USP32: variants seen among roughly 807,000 people sequenced by gnomAD.
USP32 encodes ubiquitin specific peptidase 32.
In USP32, 59 loss-of-function variants were observed where a neutral mutation model predicts 204.8. That is an observed-to-expected ratio of 0.29 (90% CI 0.23 to 0.36). The LOEUF is 0.36. Ranked by LOEUF, USP32 falls within the 10% of genes least tolerant of loss-of-function variation. The pLI is 1.00. For missense variants in USP32, 1,160 were observed against 1,946.4 expected (o/e 0.60, Z 7.60); for synonymous variants, 517 against 678.4 (o/e 0.76, Z 3.70).
intron 1 of USP32, among the ~76,000 whole-genome samples, chr17:60,349,622 TATTATATATATATATATATATTA>T (rs1473824116): frequency 4.5e-5 from 3 of 66,712 alleles, no homozygotes; most frequent in African/African-American, 3.5e-4. Context: ...TATATATATA[TATTATATATATATATATATATTA>T]TATATATACA....
chr17:60,286,068 G>A (rs1377723335), intron 5 of USP32, among the ~76,000 whole-genome samples: 1 of 151,498 alleles, frequency 6.6e-6, no homozygotes, highest in Non-Finnish European at 1.5e-5. Context: ...TCCAGGAGGC[G>A]GAGGCTGCAG....
intron 2 of USP32, among the ~76,000 whole-genome samples, chr17:60,343,981 C>T (rs1167832463): frequency 1.3e-5 from 2 of 151,644 alleles, no homozygotes; most frequent in Non-Finnish European, 2.9e-5. Context: ...TTGCCATGAG[C>T]CAAGACCATG....
intron 1 of USP32, among the ~76,000 whole-genome samples, chr17:60,400,424 T>G (rs908857114): frequency 6.6e-6 from 1 of 152,148 alleles, no homozygotes; most frequent in African/African-American, 2.4e-5. Context: ...TCCCAGATAT[T>G]ATTTTGAAAG....
chr17:60,188,801 T>C (rs2084308664), intron 29 of USP32, among the ~76,000 whole-genome samples: 1 of 152,218 alleles, frequency 6.6e-6, no homozygotes, highest in South Asian at 2.1e-4. Flanking sequence ...AACCACGGTA[T>C]CTCTTTTGTC....
intron 2 of USP32, among the ~76,000 whole-genome samples, chr17:60,302,691 A>T (rs565428705): frequency 1.8e-4 from 28 of 152,346 alleles, no homozygotes; most frequent in Non-Finnish European, 2.5e-4. Context: ...TGTGATAAGA[A>T]TTTTGTGCAA....
intron 9 of USP32, chr17:60,256,944 TA>T: frequency 2.8e-6 from 1 of 354,244 alleles, no homozygotes. Flanking sequence ...TTCATCATTC[TA>T]AGAAATATAT....
At chr17:60,311,084 G>T (rs949522180) in intron 2 of USP32, among the ~76,000 whole-genome samples, 12 of 152,144 alleles carry the variant, frequency 7.9e-5, no homozygotes, top group Admixed American at 6.5e-5. Context: ...TGTAGTGTTA[G>T]TAAGGTGATT....
At chr17:60,392,183 T>A, upstream of USP32, 1 of 475,312 alleles carries the variant, frequency 2.1e-6, no homozygotes. Context: ...CGCCCTTCTC[T>A]CTCCTCTCTC....
At chr17:60,201,795 A>C (rs2084683140) in intron 26 of USP32, among the ~76,000 whole-genome samples, 1 of 151,904 alleles carries the variant, frequency 6.6e-6, no homozygotes. Flanking sequence ...AGTAGCTGGG[A>C]CTACATGTGC....
chr17:60,222,331 G>A (rs2085273164), intron 15 of USP32, 78 bp downstream of exon 15: 1 of 1,512,504 alleles, frequency 6.6e-7, no homozygotes, highest in Non-Finnish European at 9.0e-7. Flanking sequence ...TGTGGTTAGT[G>A]AGAGTCACAT....
intron 6 of USP32, among the ~76,000 whole-genome samples, chr17:60,269,922 A>C (rs2086686097): frequency 6.6e-6 from 1 of 152,160 alleles, no homozygotes; most frequent in African/African-American, 2.4e-5. Flanking sequence ...AAGAAGAAAA[A>C]GGGAAAAAAG....
intron 1 of USP32, among the ~76,000 whole-genome samples, chr17:60,350,701 C>T (rs1159665614): frequency 1.4e-5 from 2 of 145,956 alleles, no homozygotes; most frequent in Non-Finnish European, 2.9e-5. Context: ...TCTCTCTCTC[C>T]CTCTATCCCT....
chr17:60,328,378 G>A (rs567718843), intron 2 of USP32, among the ~76,000 whole-genome samples: 1 of 152,286 alleles, frequency 6.6e-6, no homozygotes, highest in Non-Finnish European at 1.5e-5. Context: ...GGGATGACCA[G>A]CTGAAGAGAA....
chr17:60,393,629 A>G (rs1022379659), upstream of USP32, among the ~76,000 whole-genome samples: 11 of 152,154 alleles, frequency 7.2e-5, no homozygotes, highest in African/African-American at 2.7e-4. Flanking sequence ...ATTAGTTCCT[A>G]AAACCAACAG....
chr17:60,394,560 A>C (rs574387867), upstream of USP32, among the ~76,000 whole-genome samples: 160 of 152,272 alleles, frequency 1.1e-3, no homozygotes, highest in Middle Eastern at 0.01. Context: ...ATAGAATATG[A>C]CCGCATGTGT....
rs1450908487 is a variant in USP32 at position 60,208,091 on chromosome 17, G to A, written c.2893C>T (p.Leu965Phe). ...DLCGLNSEQI[L>F]LAEVHGSNIK... ...TTGGAACCATGTACTTCTGCTAGAA[G>A]GATTTGTTCTGAATTAAGTCCACAG... The change falls in exon 24 of 34, where the codon CTT (leucine) becomes TTT (phenylalanine). Residue 965 changes from leucine (L) to phenylalanine (F), a missense_variant. Transcript: ENST00000300896. 9.6e-6 allele frequency: 15 copies of A among 1,570,152 alleles called. No individual in the cohort carries two copies. The South Asian group carries it at 1.7e-4, about 18-fold the overall frequency.
chr17:60,236,673 C>A (rs1423337132), intron 11 of USP32, among the ~76,000 whole-genome samples: 1 of 152,176 alleles, frequency 6.6e-6, no homozygotes, highest in Non-Finnish European at 1.5e-5. Context: ...GCAACCAACA[C>A]CACAATCAGT....
At chr17:60,365,809 T>C (rs547529588) in intron 1 of USP32, among the ~76,000 whole-genome samples, 65 of 152,270 alleles carry the variant, frequency 4.3e-4, no homozygotes, top group South Asian at 3.1e-3. Context: ...AGAACAAATA[T>C]ATAAGAGAAA....
chr17:60,179,572 C>G, intron 33 of USP32, 144 bp from the exon 34 acceptor site: 1 of 1,035,048 alleles, frequency 9.7e-7, no homozygotes, highest in Non-Finnish European at 1.4e-6. Flanking sequence ...CTCACACCTG[C>G]CCCTTTAAGA....
Sources: allele counts gnomAD v4.1 joint callset (sites outside exome capture counted in the v4.1 genomes callset), GRCh38; gene constraint gnomAD v4.1.1; transcripts MANE v1.5; gene names NCBI Gene and HGNC (gene_info 2026-07-23, HGNC 2026-07-21).